Variants in CDK14 observed in about 807,000 individuals in gnomAD.
CDK14 encodes the protein cyclin-dependent kinase 14.
A neutral mutation model predicts 60.7 loss-of-function variants in CDK14; 34 were observed. That is an observed-to-expected ratio of 0.56 (90% CI 0.43 to 0.75). The LOEUF is 0.75. CDK14 is among the 30% of genes least tolerant of loss of function. CDK14 has a pLI of 0.00. For synonymous variants in CDK14, 197 were observed against 203.7 expected (o/e 0.97, Z 0.28); for missense variants, 482 against 564.1 (o/e 0.85, Z 1.47).
At chr7:90,788,285 A>G (rs1373429366) in intron 4 of CDK14, among the ~76,000 whole-genome samples, 1 of 152,184 alleles carries the variant, frequency 6.6e-6, no homozygotes, top group Non-Finnish European at 1.5e-5. Context: ...AAATTCATGC[A>G]GTTATCAGCA....
chr7:91,190,646 T>G (rs1283084714), intron 14 of CDK14, among the ~76,000 whole-genome samples: 1 of 152,114 alleles, frequency 6.6e-6, no homozygotes, highest in African/African-American at 2.4e-5. Flanking sequence ...TGCACCACCA[T>G]GCCTGGCTAA....
Position 90,861,031 on chromosome 7 carries a change from G to A in CDK14, c.545-2144G>A, listed in dbSNP as rs1790991467. On this transcript the variant is annotated intron_variant, in intron 5 of 14. Coordinates refer to ENST00000380050, the MANE Select transcript of CDK14 (RefSeq NM_001287135.2). ...AGCCAGAGGTTTGGGCGTAGTGCTA[G>A]TCTCAGAGTCAAAGGAAGATTGGTC... Among the ~76,000 whole-genome samples the A allele has an allele frequency of 1.3e-5, 2 of 152,116 alleles. 1 individual carries two copies. Among genetic ancestry groups the A allele is most frequent in the Admixed American group, 1.3e-4 (2 of 15,268 alleles).
intron 14 of CDK14, among the ~76,000 whole-genome samples, chr7:91,131,645 C>G (rs1464288121): frequency 6.6e-6 from 1 of 152,100 alleles, no homozygotes; most frequent in East Asian, 1.9e-4. Flanking sequence ...CTGAGATGTT[C>G]CAGCCTTTGA....
At chr7:90,776,187 A>AT (rs1805038164) in intron 4 of CDK14, among the ~76,000 whole-genome samples, 2 of 152,184 alleles carry the variant, frequency 1.3e-5, no homozygotes, top group African/African-American at 4.8e-5. Flanking sequence ...GAGTTCTTCC[A>AT]TTCCTGGTCC....
intron 5 of CDK14, among the ~76,000 whole-genome samples, chr7:90,797,273 C>T (rs1788473964): frequency 6.6e-6 from 1 of 151,772 alleles, no homozygotes; most frequent in Admixed American, 6.6e-5. Flanking sequence ...GCCAGCCACT[C>T]TCCTTAACTT....
rs1554431005 is a variant in CDK14 at position 90,668,696 on chromosome 7, A to ATTATTTTTTTTTTT, written c.124-57869_124-57868insATTTTTTTTTTTTT. On this transcript the variant is annotated intron_variant, in intron 2 of 14. Coordinates refer to ENST00000380050, the MANE Select transcript of CDK14 (RefSeq NM_001287135.2). The stretch of plus-strand genomic sequence containing the variant: ...TTATATGGTGTAAGGAAGGACTCGC[A>ATTATTTTTTTTTTT]TTCTTTTTTTTTTTTTTTTTTTTTT... 2.6e-3 allele frequency among the ~76,000 whole-genome samples: 175 copies of ATTATTTTTTTTTTT among 68,408 alleles called. 5 individuals carry two copies. The highest frequency in any genetic ancestry group is 0.021 in the Middle Eastern group (2 of 94). 44.9% of individuals were successfully genotyped at this position (68,408 alleles called of 152,430 possible).
chr7:91,090,990 TTTTG>T (rs1325213647), intron 12 of CDK14, among the ~76,000 whole-genome samples: 5 of 40,430 alleles, frequency 1.2e-4, no homozygotes, highest in East Asian at 1.2e-3. Context: ...ACTAAGTTGG[TTTTG>T]TTTGTGTGTG....
intron 11 of CDK14, among the ~76,000 whole-genome samples, chr7:91,047,968 C>T (rs576617225): frequency 3.3e-5 from 5 of 152,138 alleles, no homozygotes; most frequent in African/African-American, 7.2e-5. Flanking sequence ...TGCTAGGGTC[C>T]GCCTGTCCCA....
At chr7:90,601,922 TTATG>T (rs66873680) in intron 1 of CDK14, among the ~76,000 whole-genome samples, 18,915 of 143,210 alleles carry the variant, frequency 0.13, 1,496 homozygotes, top group African/African-American at 0.23. Context: ...TTGGCTAATT[TTATG>T]TATGTATGTA....
intron 8 of CDK14, among the ~76,000 whole-genome samples, chr7:90,934,006 C>A (rs1793677335): frequency 6.6e-6 from 1 of 152,240 alleles, no homozygotes; most frequent in Admixed American, 6.5e-5. Flanking sequence ...GCTCCACTCG[C>A]TTTATTCTTA....
chr7:91,175,405 G>C (rs1375654602), intron 14 of CDK14, among the ~76,000 whole-genome samples: 1 of 151,380 alleles, frequency 6.6e-6, no homozygotes, highest in African/African-American at 2.4e-5. Context: ...ATCAACTAAC[G>C]AGCAAAATAA....
At chr7:91,019,277 T>C (rs1309915015) in intron 10 of CDK14, among the ~76,000 whole-genome samples, 1 of 152,174 alleles carries the variant, frequency 6.6e-6, no homozygotes, top group Non-Finnish European at 1.5e-5. Flanking sequence ...GACAGCTCCA[T>C]TCAACTAATG....
At chr7:90,920,066 GA>G (rs1421935109) in intron 8 of CDK14, among the ~76,000 whole-genome samples, 1 of 152,164 alleles carries the variant, frequency 6.6e-6, no homozygotes. Flanking sequence ...TTAATTGTGT[GA>G]TTTTTTTTGT....
chr7:90,637,226 T>C (rs1800175207), intron 2 of CDK14, among the ~76,000 whole-genome samples: 1 of 151,028 alleles, frequency 6.6e-6, no homozygotes, highest in Non-Finnish European at 1.5e-5. Context: ...ATTGTGATGT[T>C]AGGGTGTCAA....
At chr7:90,741,571 T>A (rs1277189996) in intron 3 of CDK14, among the ~76,000 whole-genome samples, 1 of 152,216 alleles carries the variant, frequency 6.6e-6, no homozygotes, top group Non-Finnish European at 1.5e-5. Flanking sequence ...ACCTGTTTTC[T>A]ACAATCTCTG....
At chr7:90,767,270 G>T (rs1804603012) in intron 4 of CDK14, among the ~76,000 whole-genome samples, 1 of 152,054 alleles carries the variant, frequency 6.6e-6, no homozygotes, top group South Asian at 2.1e-4. Flanking sequence ...TGTCTGCCTT[G>T]GCCTATTTCT....
chr7:90,830,148 G>A lies in CDK14; in HGVS notation c.545-33027G>A, dbSNP rs531104315. ...CAACCCCACATTTTGCCTCTGCATC[G>A]CCCTAGTAGAGGTTCTCTATAAGGA... On this transcript the variant is annotated intron_variant, in intron 5 of 14. Transcript: ENST00000380050. 5.9e-5 allele frequency among the ~76,000 whole-genome samples: 9 copies of A among 152,274 alleles called. No homozygotes were observed. The South Asian group carries it at 6.2e-4, about 11-fold the overall frequency.
intron 5 of CDK14, among the ~76,000 whole-genome samples, chr7:90,845,015 G>A (rs1198757278): frequency 6.6e-6 from 1 of 152,076 alleles, no homozygotes; most frequent in Non-Finnish European, 1.5e-5. Context: ...TTTCTCCTTA[G>A]CACTTGCCAC....
At chr7:90,938,072 C>T (rs1180371491) in intron 8 of CDK14, among the ~76,000 whole-genome samples, 1 of 152,184 alleles carries the variant, frequency 6.6e-6, no homozygotes, top group Non-Finnish European at 1.5e-5. Flanking sequence ...ATGTGTATTG[C>T]AATTTGTATT....
Sources: gnomAD v4.1 joint callset for allele counts (sites outside exome capture counted in the v4.1 genomes callset) on GRCh38, gnomAD v4.1.1 for gene constraint, MANE v1.5 for transcripts, NCBI Gene and HGNC (gene_info 2026-07-23, HGNC 2026-07-21) for gene names.